The following CAMTA1 variants were observed in gnomAD, a reference collection of about 807,000 sequenced individuals.
CAMTA1 encodes the protein calmodulin-binding transcription activator 1.
A neutral mutation model predicts 170.9 loss-of-function variants in CAMTA1; 27 were observed. The observed-to-expected ratio is 0.16, with a 90% CI of 0.12 to 0.22. The LOEUF is 0.22. Among genes scored for constraint, CAMTA1 ranks in the 10% least tolerant of loss-of-function variants. CAMTA1 has a pLI of 1.00. For missense variants in CAMTA1, 1,619 were observed against 2,217.2 expected (o/e 0.73, Z 5.42); for synonymous variants, 833 against 891.5 (o/e 0.93, Z 1.17).
intron 4 of CAMTA1, among the ~76,000 whole-genome samples, chr1:7,138,211 C>G (rs1645653487): frequency 1.3e-5 from 2 of 152,226 alleles, no homozygotes; most frequent in South Asian, 2.1e-4. Flanking sequence ...GGTCTCATCT[C>G]TAACTCCTGA....
intron 3 of CAMTA1, among the ~76,000 whole-genome samples, chr1:6,944,115 C>A (rs2149444555): frequency 6.6e-6 from 1 of 152,254 alleles, no homozygotes; most frequent in South Asian, 2.1e-4. Context: ...ATGAGGGAAC[C>A]ATACAGTATT....
rs1034048374 is a variant in CAMTA1 at position 7,565,925 on chromosome 1, G to A, written c.511-74475G>A. ...TTCTCGCTGTGTCCTCACATAGTAG[G>A]GAGAGAGAGAGAGAGAGAGAGAGAA... On this transcript the variant is annotated intron_variant, in intron 6 of 22. Coordinates refer to ENST00000303635, the MANE Select transcript of CAMTA1 (RefSeq NM_015215.4). This position sits in a 1 kb window ranked among gnomAD's most constrained non-coding sequence, Gnocchi z 4.5. 4.0e-5 allele frequency among the ~76,000 whole-genome samples: 6 copies of A among 148,798 alleles called. No individual in the cohort carries two copies. Among genetic ancestry groups the A allele is most frequent in the Non-Finnish European group, 9.0e-5 (6 of 66,964 alleles).
rs1000823533 is a variant in CAMTA1 at position 7,588,826 on chromosome 1, CTG to C, written c.511-51572_511-51571del. 6.6e-6 allele frequency among the ~76,000 whole-genome samples: 1 copy of C among 152,162 alleles called. No homozygotes were observed. Among genetic ancestry groups the C allele is most frequent in the Non-Finnish European group, 1.5e-5 (1 of 68,028 alleles). On this transcript the variant is annotated intron_variant, in intron 6 of 22. Transcript: ENST00000303635. This position sits in a 1 kb window ranked among gnomAD's most constrained non-coding sequence, Gnocchi z 5.8. The stretch of plus-strand genomic sequence containing the variant: ...TCAATAAACTTGCTTAGAGTGCACT[CTG>C]TCTTCTGTAATGAAATGGGGATGCA...
At chr1:6,848,546 G>C (rs779058685) in intron 3 of CAMTA1, among the ~76,000 whole-genome samples, 7 of 152,200 alleles carry the variant, frequency 4.6e-5, no homozygotes, top group Non-Finnish European at 1.0e-4. Context: ...AGAACGCTGG[G>C]AGTCTGGTGA....
At chr1:6,873,484 C>A (rs1423408310) in intron 3 of CAMTA1, among the ~76,000 whole-genome samples, 1 of 152,138 alleles carries the variant, frequency 6.6e-6, no homozygotes, top group African/African-American at 2.4e-5. Flanking sequence ...ACCGGCTGAC[C>A]CCTGAGGGAT....
intron 7 of CAMTA1, among the ~76,000 whole-genome samples, chr1:7,656,122 A>G (rs921422534): frequency 3.3e-5 from 5 of 152,336 alleles, no homozygotes; most frequent in Admixed American, 2.6e-4. Context: ...CTATAAGCCA[A>G]TACACTTGTG....
At chr1:7,369,684 G>T (rs1397027098) in intron 5 of CAMTA1, among the ~76,000 whole-genome samples, 1 of 152,036 alleles carries the variant, frequency 6.6e-6, no homozygotes, top group Non-Finnish European at 1.5e-5. Flanking sequence ...AGTCTTTACT[G>T]GGGCTCACAC....
chr1:7,164,562 G>T (rs934811798), intron 4 of CAMTA1, among the ~76,000 whole-genome samples: 3 of 152,226 alleles, frequency 2.0e-5, no homozygotes, highest in African/African-American at 7.2e-5. Context: ...GTCTATGCCC[G>T]TGCCTAGGAC....
intron 3 of CAMTA1, among the ~76,000 whole-genome samples, chr1:6,876,612 C>G (rs1354592292): frequency 6.6e-6 from 1 of 152,170 alleles, no homozygotes; most frequent in Admixed American, 6.5e-5. Context: ...ATCCACCCGC[C>G]TCGGCCTCCT....
rs561745349 is a variant in CAMTA1, at chr1:7,093,534, A to C, written c.302+2163A>C. The stretch of plus-strand genomic sequence containing the variant: ...CTCTGGAATGCGTCCTGGGCCAGAC[A>C]TCTGATTTCAGATACGCAGACCCGT... On this transcript the variant is annotated intron_variant, in intron 4 of 22. Coordinates refer to ENST00000303635, the MANE Select transcript of CAMTA1 (RefSeq NM_015215.4). The surrounding 1 kb of genome is among the most constrained non-coding windows in gnomAD (Gnocchi z 4.6). Among the ~76,000 whole-genome samples, 1 of 152,192 alleles carries C rather than the reference A, an allele frequency of 6.6e-6. No individual in the cohort carries two copies. Among genetic ancestry groups the C allele is most frequent in the Non-Finnish European group, 1.5e-5 (1 of 68,020 alleles).
chr1:7,559,553 C>T (rs527817893), intron 6 of CAMTA1, among the ~76,000 whole-genome samples: 7 of 152,320 alleles, frequency 4.6e-5, no homozygotes, highest in South Asian at 4.1e-4. Flanking sequence ...GTTTTCACGC[C>T]GAGCACAGCT....
intron 3 of CAMTA1, among the ~76,000 whole-genome samples, chr1:6,847,124 C>T (rs1209163970): frequency 1.3e-5 from 2 of 151,952 alleles, no homozygotes; most frequent in African/African-American, 4.8e-5. Flanking sequence ...TTGCCTCAGC[C>T]TACCGAGTAG....
At chr1:7,257,076 C>CG (rs146110106) in intron 5 of CAMTA1, among the ~76,000 whole-genome samples, 45,017 of 132,326 alleles carry the variant, frequency 0.34, 9,086 homozygotes, top group Non-Finnish European at 0.44. Flanking sequence ...CATCGCATGG[C>CG]GGGGGCGGGG....
intron 4 of CAMTA1, among the ~76,000 whole-genome samples, chr1:7,107,196 C>T (rs555245028): frequency 6.6e-6 from 1 of 151,972 alleles, no homozygotes; most frequent in Non-Finnish European, 1.5e-5. Flanking sequence ...ACAAGTCACA[C>T]ATATCTGAGA....
chr1:6,830,291 G>A (rs1183830633), intron 3 of CAMTA1, among the ~76,000 whole-genome samples: 6 of 150,584 alleles, frequency 4.0e-5, no homozygotes, highest in African/African-American at 9.8e-5. Context: ...TGATCCGCCC[G>A]CCTTGGTGTC....
Position 7,661,878 on chromosome 1 carries a change from C to A in CAMTA1, c.805+12C>A, listed in dbSNP as rs754884724. 11 of 1,599,790 alleles carry A rather than the reference C, an allele frequency of 6.9e-6. No homozygotes were observed. The South Asian group carries it at 1.2e-4, about 18-fold the overall frequency. ...CACCGGCAGCCTGGGTGAGCCGGGG[C>A]TCCCGGGGCAGGCGGGCGCCACGGG... On this transcript the variant is annotated intron_variant, in intron 8 of 22. Transcript: ENST00000303635.
At chr1:7,723,093 T>A (rs1347665279) in intron 11 of CAMTA1, among the ~76,000 whole-genome samples, 5 of 152,000 alleles carry the variant, frequency 3.3e-5, no homozygotes, top group South Asian at 2.1e-4. Flanking sequence ...GATACCTCAA[T>A]AGCAATGAAC....
intron 3 of CAMTA1, among the ~76,000 whole-genome samples, chr1:6,990,241 A>G (rs1262297446): frequency 6.6e-6 from 1 of 152,234 alleles, no homozygotes; most frequent in African/African-American, 2.4e-5. Context: ...TGTTAAATGC[A>G]AACTATAAAT....
chr1:7,523,617 G>A (rs145808926), intron 6 of CAMTA1, among the ~76,000 whole-genome samples: 12 of 152,076 alleles, frequency 7.9e-5, no homozygotes, highest in African/African-American at 2.2e-4. Context: ...GGTGGCTCAC[G>A]CCTATAATCC....
Sources: allele counts gnomAD v4.1 joint callset (sites outside exome capture counted in the v4.1 genomes callset), GRCh38; gene constraint gnomAD v4.1.1; non-coding constraint Gnocchi (gnomAD v3.1); transcripts MANE v1.5; gene names NCBI Gene and HGNC (gene_info 2026-07-23, HGNC 2026-07-21).